The following HS3ST4 variants were observed in gnomAD, a reference collection of about 807,000 sequenced individuals.
HS3ST4 encodes the protein heparan sulfate-glucosamine 3-sulfotransferase 4.
In HS3ST4, 17 loss-of-function variants were observed where a neutral mutation model predicts 29.2. The observed-to-expected ratio is 0.58, with a 90% CI of 0.40 to 0.87. The LOEUF (loss-of-function observed/expected upper bound fraction) is 0.87, where lower values mean the gene tolerates loss of function less well. Ranked by LOEUF, HS3ST4 falls within the 40% of genes least tolerant of loss-of-function variation. The probability of loss-of-function intolerance (pLI) is 0.00; values close to 1 mark genes in which losing one functional copy is unlikely to be tolerated. For missense variants in HS3ST4, 627 were observed against 634.5 expected, an observed-to-expected ratio of 0.99 and a Z score of 0.13; for synonymous variants, 314 against 285.7, an observed-to-expected ratio of 1.10 and a Z score of -1.00.
intron 1 of HS3ST4, among the ~76,000 whole-genome samples, chr16:25,763,078 C>T (rs146114363): frequency 3.9e-4 from 59 of 152,020 alleles, no homozygotes; most frequent in East Asian, 2.3e-3. Context: ...GATTATTTCC[C>T]ACACCCTTAT....
chr16:25,960,271 G>A (rs1596627180), intron 1 of HS3ST4, among the ~76,000 whole-genome samples: 1 of 152,144 alleles, frequency 6.6e-6, no homozygotes, highest in Non-Finnish European at 1.5e-5. Flanking sequence ...GCAGATGTGG[G>A]TACCATGCTT....
At chr16:25,965,121 T>C (rs57191506) in intron 1 of HS3ST4, among the ~76,000 whole-genome samples, 12,422 of 152,126 alleles carry the variant, frequency 0.082, 718 homozygotes, top group African/African-American at 0.14. Context: ...AAGTATTCTA[T>C]GAAGAAAAGG....
intron 1 of HS3ST4, among the ~76,000 whole-genome samples, chr16:25,987,387 A>G (rs1322994944): frequency 6.6e-6 from 1 of 152,060 alleles, no homozygotes; most frequent in Non-Finnish European, 1.5e-5. Flanking sequence ...AATTTTTACT[A>G]TTTATGGAGT....
chr16:26,075,534 G>C (rs1453105722), intron 1 of HS3ST4, among the ~76,000 whole-genome samples: 1 of 152,206 alleles, frequency 6.6e-6, no homozygotes, highest in Non-Finnish European at 1.5e-5. Flanking sequence ...GGATCTAACA[G>C]GAGCCATGCA....
intron 1 of HS3ST4, among the ~76,000 whole-genome samples, chr16:25,902,826 A>T (rs979733773): frequency 6.6e-6 from 1 of 151,854 alleles, no homozygotes; most frequent in Non-Finnish European, 1.5e-5. Flanking sequence ...GCCTGGGTGC[A>T]GTGGCTCATG....
intron 1 of HS3ST4, among the ~76,000 whole-genome samples, chr16:25,850,298 T>TA (rs1253263528): frequency 6.6e-6 from 1 of 152,162 alleles, no homozygotes; most frequent in African/African-American, 2.4e-5. Context: ...CCTATTTTTT[T>TA]AAACACTCAC....
chr16:26,053,405 A>G (rs1898368634), intron 1 of HS3ST4, among the ~76,000 whole-genome samples: 1 of 152,242 alleles, frequency 6.6e-6, no homozygotes, highest in African/African-American at 2.4e-5. Flanking sequence ...AGAAAAATAT[A>G]CAGCAACTTC....
intron 1 of HS3ST4, among the ~76,000 whole-genome samples, chr16:26,109,289 G>T (rs1899096803): frequency 6.6e-6 from 1 of 152,152 alleles, no homozygotes; most frequent in Non-Finnish European, 1.5e-5. Flanking sequence ...CCCGTTTCCT[G>T]CAGCAACCTC....
intron 1 of HS3ST4, among the ~76,000 whole-genome samples, chr16:25,899,569 G>A (rs180967836): frequency 2.4e-3 from 372 of 151,920 alleles, no homozygotes; most frequent in African/African-American, 8.3e-3. Context: ...GCAGTGGTGC[G>A]ATCTCAGCTC....
In HS3ST4 at chr16:26,047,800, T is replaced by C. The variant is rs1898288296; in HGVS notation, c.735-87812T>C. Among the ~76,000 whole-genome samples, 3 of 152,196 alleles carry C rather than the reference T, an allele frequency of 2.0e-5. No homozygotes were observed. The South Asian group carries it at 6.2e-4, about 32-fold the overall frequency. ...GAACTGGACCTTGGACTCAAGAAGTTCATGATGAGAAGCCAAAGGTAGAAG... is the reference window on the plus strand; with the variant it reads ...GAACTGGACCTTGGACTCAAGAAGTCCATGATGAGAAGCCAAAGGTAGAAG... On this transcript the variant is annotated intron_variant, in intron 1 of 1. Coordinates refer to ENST00000331351, the MANE Select transcript of HS3ST4 (RefSeq NM_006040.3).
rs751212908 is a variant in HS3ST4 at position 25,857,152 on chromosome 16, A to G, written c.734+164001A>G. On this transcript the variant is annotated intron_variant, in intron 1 of 1. Coordinates refer to ENST00000331351, the MANE Select transcript of HS3ST4 (RefSeq NM_006040.3). ...GTTGCTCACTCTCATGTTAGTCCAC[A>G]GTAGTTCTTCTTTTAAATGATAATT... Among the ~76,000 whole-genome samples, 23 of 152,298 alleles carry G rather than the reference A, an allele frequency of 1.5e-4. 1 individual carries two copies. In the Middle Eastern group the frequency reaches 0.01, roughly 68 times the overall value.
intron 1 of HS3ST4, among the ~76,000 whole-genome samples, chr16:25,890,260 G>A (rs943862341): frequency 5.3e-5 from 8 of 152,118 alleles, no homozygotes; most frequent in African/African-American, 1.4e-4. Context: ...ACCTTTGTCC[G>A]ACTCTAAATG....
At position 26,136,497 on chromosome 16, in the gene HS3ST4, G is replaced by A; in HGVS notation, c.*249G>A. 1.8e-6 allele frequency: 1 copy of A among 547,954 alleles called. No individual in the cohort carries two copies. Among genetic ancestry groups the A allele is most frequent in the East Asian group, 3.1e-5 (1 of 32,516 alleles). The allele number at this position is 547,954 out of a possible 1,614,324, so 33.9% of individuals were successfully genotyped here. ...GACCAGATGGCCACCAGAACCCACT[G>A]TTCATTCTTATCTTCTGCTAGTTAA... is the stretch of plus-strand genomic sequence containing the variant. On this transcript the variant is annotated 3_prime_UTR_variant, in exon 2 of 2. Coordinates refer to ENST00000331351, the MANE Select transcript of HS3ST4 (RefSeq NM_006040.3).
chr16:26,094,337 G>A (rs6497918), intron 1 of HS3ST4, among the ~76,000 whole-genome samples: 82,135 of 151,992 alleles, frequency 0.54, 22,931 homozygotes, highest in African/African-American at 0.67. Flanking sequence ...TTGAAATGAA[G>A]GAAAAAATGT....
At chr16:25,738,162 C>T (rs930478828) in intron 1 of HS3ST4, among the ~76,000 whole-genome samples, 2 of 152,140 alleles carry the variant, frequency 1.3e-5, no homozygotes, top group African/African-American at 4.8e-5. Context: ...CCTCGGCCTG[C>T]CCAAATGCTG....
chr16:25,943,050 C>T (rs575297037), intron 1 of HS3ST4, among the ~76,000 whole-genome samples: 1 of 152,184 alleles, frequency 6.6e-6, no homozygotes, highest in Non-Finnish European at 1.5e-5. Context: ...ATAACACTAA[C>T]CATAACCATA....
chr16:25,895,049 T>G (rs1968046039), intron 1 of HS3ST4, among the ~76,000 whole-genome samples: 1 of 152,030 alleles, frequency 6.6e-6, no homozygotes, highest in African/African-American at 2.4e-5. Context: ...GGAAGTGTGA[T>G]GAGAGTTATA....
intron 1 of HS3ST4, among the ~76,000 whole-genome samples, chr16:26,065,038 A>G (rs1250264943): frequency 2.6e-5 from 4 of 152,216 alleles, no homozygotes; most frequent in Non-Finnish European, 5.9e-5. Context: ...TTTCTTAATG[A>G]TCAATGATGT....
At chr16:26,124,069 T>C (rs1019568983) in intron 1 of HS3ST4, among the ~76,000 whole-genome samples, 2 of 152,018 alleles carry the variant, frequency 1.3e-5, no homozygotes, top group African/African-American at 2.4e-5. Flanking sequence ...TACAGGCAGG[T>C]GCCACCACAC....
Sources: allele counts gnomAD v4.1 joint callset (sites outside exome capture counted in the v4.1 genomes callset), GRCh38; gene constraint gnomAD v4.1.1; transcripts MANE v1.5; gene names NCBI Gene and HGNC (gene_info 2026-07-23, HGNC 2026-07-21).